Variants in MTUS2 observed in about 807,000 individuals in gnomAD.
MTUS2 encodes the protein microtubule associated scaffold protein 2, also known as microtubule-associated tumor suppressor candidate 2.
Under a neutral mutation model 114.1 loss-of-function variants are expected in MTUS2, and 40 were observed. The ratio of observed to expected loss-of-function variants is 0.35; its 90% CI spans 0.27 to 0.46. The LOEUF (loss-of-function observed/expected upper bound fraction) is 0.46. Among genes scored for constraint, MTUS2 ranks in the 20% least tolerant of loss-of-function variants. The pLI, the probability that MTUS2 is intolerant of heterozygous loss-of-function variation, is 1.00. For synonymous variants in MTUS2, 688 were observed against 672.0 expected (o/e 1.02, Z -0.37); for missense variants, 1,679 against 1,705.4 (o/e 0.98, Z 0.27).
At chr13:29,325,484 G>A (rs866512164) in intron 7 of MTUS2, among the ~76,000 whole-genome samples, 33 of 80,776 alleles carry the variant, frequency 4.1e-4, no homozygotes, top group South Asian at 3.3e-3. Flanking sequence ...AAGAAGAAGA[G>A]GAAGAGGGAG....
rs1566245996 is a variant in MTUS2 at position 29,505,652 on chromosome 13, TCC to T, written c.*2447_*2448del. 5.6e-5 allele frequency: 13 copies of T among 230,922 alleles called. No individual in the cohort carries two copies. The highest frequency in any genetic ancestry group is 2.9e-4 in the African/African-American group (13 of 45,174). 14.3% of individuals were successfully genotyped at this position (230,922 alleles called of 1,614,324 possible). ...TCCCCTTCCAGGCTGGAGCGACGTT[TCC>T]ACGTTCGGATGCTGCAGCCTCTGCA... On this transcript the variant is annotated 3_prime_UTR_variant, in exon 16 of 16. Coordinates refer to ENST00000612955, the MANE Select transcript of MTUS2 (RefSeq NM_001033602.4).
At chr13:29,124,344 AAAG>A (rs1232354273) in intron 5 of MTUS2, among the ~76,000 whole-genome samples, 1 of 152,212 alleles carries the variant, frequency 6.6e-6, no homozygotes, top group African/African-American at 2.4e-5. Context: ...TATAATACTT[AAAG>A]AAGTAGAGAT....
intron 5 of MTUS2, among the ~76,000 whole-genome samples, chr13:29,251,987 T>G (rs1205992530): frequency 6.6e-6 from 1 of 152,190 alleles, no homozygotes; most frequent in East Asian, 1.9e-4. Flanking sequence ...TAATTTTGTT[T>G]AATTTTTGGA....
At chr13:28,856,966 T>C (rs1314617954) in intron 2 of MTUS2, among the ~76,000 whole-genome samples, 1 of 152,188 alleles carries the variant, frequency 6.6e-6, no homozygotes, top group East Asian at 1.9e-4. Flanking sequence ...CTAACACAAC[T>C]TCGTAGCCAC....
intron 8 of MTUS2, among the ~76,000 whole-genome samples, chr13:29,432,192 G>A (rs1877050364): frequency 1.3e-5 from 2 of 152,028 alleles, no homozygotes; most frequent in African/African-American, 4.8e-5. Flanking sequence ...ATAAAAAGTA[G>A]GGATCTATCT....
rs144031093 is a variant in MTUS2, at chr13:29,197,611, G to A, written c.2645-84093G>A. On this transcript the variant is annotated intron_variant, in intron 5 of 15. Transcript: ENST00000612955. ...ATCGCTGGGTCAAATGGTATTTCTGGTTCTGAATCCTTGAGGAATCACCAC... is the reference window on the plus strand; with the variant it reads ...ATCGCTGGGTCAAATGGTATTTCTGATTCTGAATCCTTGAGGAATCACCAC... Among the ~76,000 whole-genome samples, 143 of 152,148 alleles carry A rather than the reference G, an allele frequency of 9.4e-4. 2 individuals carry two copies. The highest frequency in any genetic ancestry group is 3.3e-3 in the African/African-American group (136 of 41,486).
At chr13:29,231,587 A>T (rs772684985) in intron 5 of MTUS2, among the ~76,000 whole-genome samples, 12 of 152,240 alleles carry the variant, frequency 7.9e-5, no homozygotes, top group Non-Finnish European at 1.5e-4. Context: ...TGTTCAGGAT[A>T]CACGATTACA....
intron 2 of MTUS2, among the ~76,000 whole-genome samples, chr13:28,927,044 A>G (rs1881363764): frequency 6.6e-6 from 1 of 152,226 alleles, no homozygotes; most frequent in South Asian, 2.1e-4. Flanking sequence ...GTAGCACAGC[A>G]TCAAGATTTT....
At chr13:29,376,021 GTGTGTGTATATATA>G (rs1194219190) in intron 8 of MTUS2, among the ~76,000 whole-genome samples, 574 of 28,056 alleles carry the variant, frequency 0.02, 3 homozygotes, top group African/African-American at 0.042. Flanking sequence ...GTGTATGTAT[GTGTGTGTATATATA>G]TATATGTGTG....
At chr13:29,080,820 G>T (rs749944600) in intron 4 of MTUS2, among the ~76,000 whole-genome samples, 1 of 152,096 alleles carries the variant, frequency 6.6e-6, no homozygotes, top group East Asian at 1.9e-4. Flanking sequence ...CTGCCTCCTG[G>T]GTTCAAGTGA....
At chr13:29,368,601 C>G (rs1870938338) in intron 8 of MTUS2, among the ~76,000 whole-genome samples, 1 of 152,046 alleles carries the variant, frequency 6.6e-6, no homozygotes, top group Non-Finnish European at 1.5e-5. Flanking sequence ...CAGATACACC[C>G]CATACATAGG....
intron 5 of MTUS2, among the ~76,000 whole-genome samples, chr13:29,169,870 A>G (rs1162392366): frequency 6.6e-6 from 1 of 152,184 alleles, no homozygotes; most frequent in Non-Finnish European, 1.5e-5. Flanking sequence ...CAAGGATTTG[A>G]CATTTTGCAT....
chr13:29,256,782 C>T (rs1216204269), intron 5 of MTUS2, among the ~76,000 whole-genome samples: 5 of 152,228 alleles, frequency 3.3e-5, no homozygotes, highest in African/African-American at 1.2e-4. Flanking sequence ...GAACTTTCTT[C>T]ATACCTCATT....
At chr13:29,441,953 C>T (rs1420800112) in intron 9 of MTUS2, among the ~76,000 whole-genome samples, 6 of 152,210 alleles carry the variant, frequency 3.9e-5, no homozygotes, top group Non-Finnish European at 8.8e-5. Context: ...TCTCCACTCA[C>T]CGGCTTTAGG....
rs560672490 is a variant in MTUS2 at position 29,155,817 on chromosome 13, C to G, written c.2644+54847C>G. ...CATCTAGATTATATACATGTACATA[C>G]ACACATGTCTCTGATTGTTAATTAT... On this transcript the variant is annotated intron_variant, in intron 5 of 15. Transcript: ENST00000612955. Among the ~76,000 whole-genome samples the G allele has an allele frequency of 2.0e-5, 3 of 152,014 alleles. No individual in the cohort carries two copies. The South Asian group carries it at 6.2e-4, about 32-fold the overall frequency.
At chr13:29,000,040 G>A (rs998949498) in intron 2 of MTUS2, among the ~76,000 whole-genome samples, 16 of 152,142 alleles carry the variant, frequency 1.1e-4, no homozygotes, top group East Asian at 5.8e-4. Flanking sequence ...TACTTAGGTC[G>A]ATTTCATGCC....
chr13:29,234,394 C>T (rs144147045), intron 5 of MTUS2, among the ~76,000 whole-genome samples: 5 of 152,142 alleles, frequency 3.3e-5, no homozygotes, highest in Non-Finnish European at 7.4e-5. Flanking sequence ...ACAAGCATTT[C>T]TGCAGCATAA....
intron 4 of MTUS2, among the ~76,000 whole-genome samples, chr13:29,069,299 A>G (rs1888801841): frequency 6.6e-6 from 1 of 152,196 alleles, no homozygotes; most frequent in Admixed American, 6.5e-5. Flanking sequence ...AGCCAATGGT[A>G]TAGATTCCAG....
chr13:29,348,931 T>A (rs1410572583), intron 7 of MTUS2, among the ~76,000 whole-genome samples: 1 of 152,200 alleles, frequency 6.6e-6, no homozygotes, highest in Non-Finnish European at 1.5e-5. Context: ...TCTATTTGTC[T>A]ATTGATTTTT....
Sources: gnomAD v4.1 joint callset for allele counts (sites outside exome capture counted in the v4.1 genomes callset) on GRCh38, gnomAD v4.1.1 for gene constraint, MANE v1.5 for transcripts, NCBI Gene and HGNC (gene_info 2026-07-23, HGNC 2026-07-21) for gene names.